The following GALNS variants were observed in gnomAD, a reference collection of about 807,000 sequenced individuals.
GALNS encodes the protein galactosamine (N-acetyl)-6-sulfatase, also known as N-acetylgalactosamine-6-sulfatase.
A neutral mutation model predicts 65.9 loss-of-function variants in GALNS; 65 were observed. The ratio of observed to expected loss-of-function variants is 0.99; its 90% confidence interval spans 0.81 to 1.21. The LOEUF (loss-of-function observed/expected upper bound fraction) is 1.21. Among genes scored for constraint, GALNS ranks in the 50% most tolerant of loss-of-function variants. The pLI is 0.00. For missense variants in GALNS, 776 were observed against 700.7 expected, an observed-to-expected ratio of 1.11 and a Z score of -1.21; for synonymous variants, 346 against 288.9, an observed-to-expected ratio of 1.20 and a Z score of -2.00.
At chr16:88,850,950 G>A (rs1173178109) in intron 1 of GALNS, among the ~76,000 whole-genome samples, 3 of 152,248 alleles carry the variant, frequency 2.0e-5, no homozygotes, top group Non-Finnish European at 4.4e-5. Flanking sequence ...CCTGTTCCCA[G>A]ACGCCAGCCG....
At chr16:88,832,720 C>T (rs1911638022) in intron 8 of GALNS, among the ~76,000 whole-genome samples, 1 of 152,202 alleles carries the variant, frequency 6.6e-6, no homozygotes, top group Admixed American at 6.5e-5. Context: ...GTAGCCTGAG[C>T]CACTTGAGGC....
intron 13 of GALNS, chr16:88,815,012 C>T (rs534111264): frequency 7.2e-5 from 71 of 984,614 alleles, no homozygotes; most frequent in Middle Eastern, 5.2e-4. Flanking sequence ...GGATTATAGG[C>T]GTGAGCCACC....
chr16:88,843,957 C>T (rs1226946515), intron 1 of GALNS: 1 of 151,936 alleles, frequency 6.6e-6, no homozygotes, highest in Non-Finnish European at 1.5e-5. Context: ...TCCGCAGAGG[C>T]AGGAGGCGGC....
intron 12 of GALNS, among the ~76,000 whole-genome samples, chr16:88,819,500 C>T (rs1444293783): frequency 6.6e-6 from 1 of 151,966 alleles, no homozygotes; most frequent in Non-Finnish European, 1.5e-5. Context: ...GTGAGCGTCC[C>T]CGAAGGCCGT....
At position 88,815,408 on chromosome 16, in the gene GALNS, C is replaced by T. The variant is rs764581223; in HGVS notation, c.1483-883G>A. The T allele has an allele frequency of 5.1e-6, 5 of 985,492 alleles. No individual in the cohort carries two copies. In the South Asian group the frequency reaches 1.4e-4, roughly 28 times the overall value. The allele number at this position is 985,492 out of a possible 1,614,324, so 61.0% of individuals were successfully genotyped here. On this transcript the variant is annotated intron_variant, in intron 13 of 13. Coordinates refer to ENST00000268695, the MANE Select transcript of GALNS (RefSeq NM_000512.5). ...TTTCCCAGGGAGAAGCCAGTCCCTACTGCGCTGCTGGGCTCAGTTCAGTGC... is the reference window on the plus strand; with the variant it reads ...TTTCCCAGGGAGAAGCCAGTCCCTATTGCGCTGCTGGGCTCAGTTCAGTGC...
intron 9 of GALNS, among the ~76,000 whole-genome samples, chr16:88,827,694 C>A (rs1911076108): frequency 6.6e-6 from 1 of 152,214 alleles, no homozygotes. Flanking sequence ...GATCTGCCCG[C>A]CTCAGCCTCC....
intron 10 of GALNS, among the ~76,000 whole-genome samples, chr16:88,826,407 T>G (rs1910926322): frequency 6.6e-6 from 1 of 151,794 alleles, no homozygotes; most frequent in African/African-American, 2.4e-5. Context: ...AGGGGCGGCA[T>G]GTGCCCGGGT....
At chr16:88,822,760 G>T (rs747836325) in intron 11 of GALNS, 50 bp from the exon 12 acceptor site, 2 of 1,600,476 alleles carry the variant, frequency 1.2e-6, no homozygotes, top group South Asian at 2.2e-5. Context: ...ACCTGCGGCC[G>T]TGAGGGGCCT....
At chr16:88,844,072 C>G (rs1597586492) in intron 1 of GALNS, 1 of 151,976 alleles carries the variant, frequency 6.6e-6, no homozygotes, top group African/African-American at 2.4e-5. Context: ...GGGATGGAGG[C>G]ACCACGCTGT....
At chr16:88,855,771 C>T (rs775485175) in intron 1 of GALNS, 6 of 540,532 alleles carry the variant, frequency 1.1e-5, no homozygotes, top group Non-Finnish European at 2.0e-5. Context: ...CTGCCCAGCC[C>T]TTGGGTGTGG....
chr16:88,824,790 T>C lies in GALNS; in HGVS notation c.1219A>G (p.Asn407Asp). The C allele has an allele frequency of 6.2e-7, 1 of 1,613,418 alleles. No homozygotes were observed. Among genetic ancestry groups the C allele is most frequent in the South Asian group, 1.1e-5 (1 of 91,082 alleles). ...ACCTGTCTGAAGTTCTCCCAGGAGTTGGTCCAGGTCCAGAAGTGAGCCTTG... is the reference window on the plus strand; with the variant it reads ...ACCTGTCTGAAGTTCTCCCAGGAGTCGGTCCAGGTCCAGAAGTGAGCCTTG... ...QHKAHFWTWT[N>D]SWENFRQGID... The change falls in exon 11 of 14, where the codon AAC becomes GAC. Residue 407 changes from asparagine (N) to aspartate (D), a missense_variant. Coordinates refer to ENST00000268695, the MANE Select transcript of GALNS (RefSeq NM_000512.5).
chr16:88,827,806 GGA>G (rs1239552300), intron 9 of GALNS, among the ~76,000 whole-genome samples: 1 of 152,228 alleles, frequency 6.6e-6, no homozygotes, highest in African/African-American at 2.4e-5. Context: ...GGGTGGGGCT[GGA>G]GAGACACCCC....
intron 12 of GALNS, among the ~76,000 whole-genome samples, chr16:88,818,948 T>C (rs1326934359): frequency 1.3e-5 from 2 of 152,142 alleles, no homozygotes; most frequent in Non-Finnish European, 2.9e-5. Flanking sequence ...TGGAAGGTGG[T>C]GTGGCAGCTC....
rs1238501952 is a variant in GALNS at position 88,820,756 on chromosome 16, C to G, written c.1364+1833G>C. Among the ~76,000 whole-genome samples, 3 of 152,234 alleles carry G rather than the reference C, an allele frequency of 2.0e-5. No homozygotes were observed. The East Asian group carries it at 5.8e-4, about 29-fold the overall frequency. ...GGGAGCAGTGGCCCTGAGGACCCCC[C>G]TGTGGATGCCAATCACGCCCAGTGG... On this transcript the variant is annotated intron_variant, in intron 12 of 13. Transcript: ENST00000268695.
chr16:88,815,308 G>A lies in GALNS; in HGVS notation c.1483-783C>T, dbSNP rs576306231. ...GCCAGCAGTGTTAGAAAGGGCAGGC[G>A]GTCCTCCCAGGAGGGCCCACCCTGA... On this transcript the variant is annotated intron_variant, in intron 13 of 13. Transcript: ENST00000268695. 8.1e-6 allele frequency: 8 copies of A among 985,466 alleles called. No individual in the cohort carries two copies. In the African/African-American group the frequency reaches 8.7e-5, roughly 11 times the overall value. The allele number at this position is 985,466 out of a possible 1,614,324, so 61.0% of individuals were successfully genotyped here.
chr16:88,843,432 C>G (rs1366131416), intron 1 of GALNS: 1 of 353,774 alleles, frequency 2.8e-6, no homozygotes, highest in East Asian at 7.5e-5. Context: ...GCACCCTGAG[C>G]GCCCATCGGC....
intron 11 of GALNS, among the ~76,000 whole-genome samples, chr16:88,823,495 G>A (rs1172739989): frequency 4.7e-5 from 7 of 149,068 alleles, no homozygotes; most frequent in East Asian, 3.9e-4. Context: ...CGGCAATGCC[G>A]GGGACCGATG....
chr16:88,815,175 T>C (rs1434624401), intron 13 of GALNS: 2 of 985,356 alleles, frequency 2.0e-6, no homozygotes, highest in Non-Finnish European at 2.4e-6. Context: ...TGGCACCCTC[T>C]TGACTCGGCC....
At chr16:88,836,161 C>A (rs1912118298) in intron 6 of GALNS, 40 bp downstream of exon 6, 2 of 1,590,242 alleles carry the variant, frequency 1.3e-6, no homozygotes, top group Non-Finnish European at 1.7e-6. Flanking sequence ...TCCCCGTCCC[C>A]ATGCGTCCCA....
Sources: gnomAD v4.1 joint callset for allele counts (sites outside exome capture counted in the v4.1 genomes callset) on GRCh38, gnomAD v4.1.1 for gene constraint, MANE v1.5 for transcripts, NCBI Gene and HGNC (gene_info 2026-07-23, HGNC 2026-07-21) for gene names.